Variants in GALNT14 observed in about 807,000 individuals in gnomAD.
GALNT14 encodes UDP-GalNAc:polypeptide N-acetylgalactosaminyltransferase 14.
GALNT14 carries 60 observed loss-of-function variants against 77.5 expected under a neutral mutation model. The ratio of observed to expected loss-of-function variants is 0.77; its 90% confidence interval spans 0.63 to 0.96. GALNT14 has a LOEUF of 0.96. GALNT14 is among the 40% of genes least tolerant of loss of function. The pLI is 0.00. For synonymous variants in GALNT14, 280 were observed against 281.7 expected (o/e 0.99, Z 0.06); for missense variants, 710 against 731.0 (o/e 0.97, Z 0.33).
At chr2:30,905,931 T>G (rs1315599497), downstream of GALNT14, among the ~76,000 whole-genome samples, 5 of 151,990 alleles carry the variant, frequency 3.3e-5, no homozygotes, top group Non-Finnish European at 5.9e-5. Context: ...AAAAGAATTT[T>G]CAACCCAGAA....
the GALNT14 span, among the ~76,000 whole-genome samples, chr2:30,901,193 G>A: frequency 1.6e-4 from 25 of 152,272 alleles, no homozygotes; most frequent in African/African-American, 6.0e-4. Context: ...GGGATACCTA[G>A]AGGAAGAAAC....
intron 1 of GALNT14, among the ~76,000 whole-genome samples, chr2:31,047,865 C>A (rs763554765): frequency 3.0e-4 from 46 of 152,192 alleles, no homozygotes; most frequent in Non-Finnish European, 5.4e-4. Context: ...CCAGCCACAA[C>A]CACAAAGGGA....
At chr2:31,039,286 T>C (rs1237363583) in intron 1 of GALNT14, among the ~76,000 whole-genome samples, 3 of 152,212 alleles carry the variant, frequency 2.0e-5, no homozygotes, top group Admixed American at 2.0e-4. Context: ...GAATGTTTAA[T>C]TTTTACAACT....
intron 1 of GALNT14, among the ~76,000 whole-genome samples, chr2:31,124,078 C>A (rs577728656): frequency 1.3e-5 from 2 of 152,338 alleles, no homozygotes; most frequent in Admixed American, 1.3e-4. Context: ...TCCCACACAG[C>A]AGCACCCCAT....
At chr2:30,907,527 G>T (rs1664176297), downstream of GALNT14, among the ~76,000 whole-genome samples, 1 of 152,144 alleles carries the variant, frequency 6.6e-6, no homozygotes, top group Admixed American at 6.5e-5. Context: ...TTGAATCTCG[G>T]AATAGACCAA....
chr2:31,102,583 T>C (rs977561707), intron 1 of GALNT14, among the ~76,000 whole-genome samples: 64 of 152,170 alleles, frequency 4.2e-4, no homozygotes, highest in African/African-American at 1.5e-3. Context: ...TGGTCAATAT[T>C]TGTGAATGTT....
intron 1 of GALNT14, among the ~76,000 whole-genome samples, chr2:31,088,202 G>C (rs13006348): frequency 6.6e-6 from 1 of 152,052 alleles, no homozygotes; most frequent in Non-Finnish European, 1.5e-5. Context: ...AAGAGAGATT[G>C]AAGGGTAAGG....
intron 1 of GALNT14, among the ~76,000 whole-genome samples, chr2:31,020,878 C>G (rs138426767): frequency 6.6e-6 from 1 of 152,218 alleles, no homozygotes; most frequent in African/African-American, 2.4e-5. Context: ...TTTCCAGCAG[C>G]CTGCACATTT....
intron 1 of GALNT14, among the ~76,000 whole-genome samples, chr2:31,106,051 C>T (rs1056792648): frequency 6.6e-6 from 1 of 152,136 alleles, no homozygotes; most frequent in Non-Finnish European, 1.5e-5. Context: ...ACCTCCACAC[C>T]CACTTTTCTA....
At chr2:31,027,918 G>GTGTGTGTGTGTGTGTGCA (rs61690434) in intron 1 of GALNT14, among the ~76,000 whole-genome samples, 42 of 151,566 alleles carry the variant, frequency 2.8e-4, no homozygotes, top group Middle Eastern at 3.4e-3. Flanking sequence ...GTGTGTGTGT[G>GTGTGTGTGTGTGTGTGCA]CACGCATGCA....
intron 1 of GALNT14, among the ~76,000 whole-genome samples, chr2:30,996,666 C>T (rs1318762791): frequency 6.6e-6 from 1 of 152,246 alleles, no homozygotes; most frequent in Non-Finnish European, 1.5e-5. Context: ...GCTACAGTGC[C>T]TTCTGGGAGC....
intron 1 of GALNT14, among the ~76,000 whole-genome samples, chr2:31,064,640 C>A (rs1674818273): frequency 6.6e-6 from 1 of 152,098 alleles, no homozygotes; most frequent in Non-Finnish European, 1.5e-5. Flanking sequence ...TCGCTGATTT[C>A]GGCTGGGCTG....
rs60061697 is a variant in GALNT14 at position 30,983,778 on chromosome 2, AACACAC to A, written c.299+9054_299+9059del. 1.8e-3 allele frequency among the ~76,000 whole-genome samples: 223 copies of A among 120,634 alleles called. No homozygotes were observed. In the East Asian group the frequency reaches 0.021, roughly 11 times the overall value. The allele number at this position is 120,634 out of a possible 152,430, so 79.1% of individuals were successfully genotyped here. A position where few individuals can be genotyped will look rare whatever the true frequency, so the allele number is the denominator to read the frequency against. On this transcript the variant is annotated intron_variant, in intron 2 of 14. Coordinates refer to ENST00000349752, the MANE Select transcript of GALNT14 (RefSeq NM_024572.4). ...TTCTCTTTCCCCAAATCACAAGTCA[AACACAC>A]ACACACACACACACACACACACACG...
chr2:31,038,223 G>C (rs1338061055), intron 1 of GALNT14, among the ~76,000 whole-genome samples: 1 of 149,326 alleles, frequency 6.7e-6, no homozygotes, highest in Non-Finnish European at 1.5e-5. Context: ...GCCTCCCAAG[G>C]AGCTGAGATT....
chr2:30,944,969 T>G (rs1422220972), intron 7 of GALNT14, 27 bp from the exon 8 acceptor site: 18 of 1,573,288 alleles, frequency 1.1e-5, no homozygotes, highest in Non-Finnish European at 1.5e-5. Context: ...ACCCACCTGC[T>G]TTGGTCTCTC....
intron 1 of GALNT14, chr2:31,126,828 GTTAGCTGGTGCT>G (rs1678729687): frequency 6.6e-6 from 1 of 152,186 alleles, no homozygotes; most frequent in African/African-American, 2.4e-5. Context: ...ACATACTTTG[GTTAGCTGGTGCT>G]TGTGCCATAG....
At chr2:31,039,481 G>C (rs538538107) in intron 1 of GALNT14, among the ~76,000 whole-genome samples, 1 of 152,100 alleles carries the variant, frequency 6.6e-6, no homozygotes, top group Non-Finnish European at 1.5e-5. Context: ...GACTTGAATC[G>C]GGCCGGCTTA....
intron 3 of GALNT14, among the ~76,000 whole-genome samples, chr2:30,963,487 GAAACATGTCTT>G: frequency 6.6e-6 from 1 of 152,272 alleles, no homozygotes; most frequent in South Asian, 2.1e-4. Context: ...AGGAAGAGGA[GAAACATGTCTT>G]AGAGTCTGAG....
At chr2:30,952,083 C>G (rs182553344) in intron 6 of GALNT14, among the ~76,000 whole-genome samples, 3 of 152,258 alleles carry the variant, frequency 2.0e-5, no homozygotes, top group East Asian at 3.9e-4. Flanking sequence ...CGGCAAGGAG[C>G]AAACTGCCTT....
Sources: gnomAD v4.1 joint callset for allele counts (sites outside exome capture counted in the v4.1 genomes callset) on GRCh38, gnomAD v4.1.1 for gene constraint, MANE v1.5 for transcripts, NCBI Gene and HGNC (gene_info 2026-07-23, HGNC 2026-07-21) for gene names.